Variants in ESRRG observed in about 807,000 individuals in gnomAD.
ESRRG encodes the protein estrogen-related receptor gamma.
Under a neutral mutation model 44.0 loss-of-function variants are expected in ESRRG, and 13 were observed. The observed-to-expected ratio is 0.30, with a 90% CI of 0.19 to 0.47. The LOEUF (loss-of-function observed/expected upper bound fraction) is 0.47. Among genes scored for constraint, ESRRG ranks in the 20% least tolerant of loss-of-function variants. ESRRG has a pLI of 1.00. For missense variants in ESRRG, 395 were observed against 580.6 expected (o/e 0.68, Z 3.29); for synonymous variants, 215 against 214.6 (o/e 1.00, Z -0.02).
chr1:216,885,771 G>C (rs2096507482), intron 2 of ESRRG, among the ~76,000 whole-genome samples: 1 of 151,354 alleles, frequency 6.6e-6, no homozygotes, highest in African/African-American at 2.4e-5. Flanking sequence ...ATTTTTTGCT[G>C]CTCCCCAAAT....
intron 1 of ESRRG, among the ~76,000 whole-genome samples, chr1:216,968,143 C>A (rs1273542080): frequency 6.6e-6 from 1 of 152,000 alleles, no homozygotes; most frequent in Non-Finnish European, 1.5e-5. Flanking sequence ...GATAACAATC[C>A]TTTATAAGAT....
chr1:217,032,096 A>T (rs1184458405), intron 1 of ESRRG, among the ~76,000 whole-genome samples: 1 of 152,182 alleles, frequency 6.6e-6, no homozygotes, highest in Non-Finnish European at 1.5e-5. Flanking sequence ...GGTCACTTCA[A>T]ATCTGACCAA....
At chr1:216,876,640 G>A (rs546248195) in intron 2 of ESRRG, among the ~76,000 whole-genome samples, 4 of 148,018 alleles carry the variant, frequency 2.7e-5, no homozygotes, top group African/African-American at 1.0e-4. Context: ...TGAGGCATTT[G>A]TACACTTGCA....
chr1:216,909,804 G>A (rs1471929085), intron 2 of ESRRG, among the ~76,000 whole-genome samples: 1 of 152,092 alleles, frequency 6.6e-6, no homozygotes. Flanking sequence ...GAGATCTGAG[G>A]GACAGATTCA....
chr1:216,883,328 T>TGA (rs1253150125), intron 2 of ESRRG, among the ~76,000 whole-genome samples: 1 of 132,572 alleles, frequency 7.5e-6, no homozygotes, highest in Admixed American at 9.4e-5. Flanking sequence ...GAGGTTGCAG[T>TGA]GAGCCGAGAT....
intron 1 of ESRRG, among the ~76,000 whole-genome samples, chr1:216,948,103 T>A (rs1269500141): frequency 6.6e-6 from 1 of 152,100 alleles, no homozygotes; most frequent in African/African-American, 2.4e-5. Context: ...AAAATTAACT[T>A]TTATTATGTT....
chr1:217,033,025 G>T (rs576261603), intron 1 of ESRRG, among the ~76,000 whole-genome samples: 3 of 152,258 alleles, frequency 2.0e-5, no homozygotes, highest in African/African-American at 7.2e-5. Flanking sequence ...AGGGGAGGGG[G>T]AGATTAAAAG....
chr1:216,689,002 T>A (rs1213328061), intron 1 of ESRRG, among the ~76,000 whole-genome samples: 1 of 152,172 alleles, frequency 6.6e-6, no homozygotes. Context: ...CTTCCCTCAA[T>A]CTAAGATTCT....
At chr1:216,683,469 ACTCT>A (rs1409850424) in intron 1 of ESRRG, among the ~76,000 whole-genome samples, 1 of 152,098 alleles carries the variant, frequency 6.6e-6, no homozygotes, top group Non-Finnish European at 1.5e-5. Context: ...AGTTCAAAAG[ACTCT>A]CTCTAGCTTA....
chr1:217,066,017 G>A (rs1365848939), intron 1 of ESRRG, among the ~76,000 whole-genome samples: 2 of 152,098 alleles, frequency 1.3e-5, no homozygotes, highest in Admixed American at 6.5e-5. Context: ...CCCCAGTGGC[G>A]TTGCTTTGAG....
chr1:216,810,153 A>G (rs2094924306), intron 2 of ESRRG, among the ~76,000 whole-genome samples: 1 of 151,996 alleles, frequency 6.6e-6, no homozygotes, highest in Non-Finnish European at 1.5e-5. Context: ...CCAAATCACC[A>G]CTTTCCTGCA....
chr1:217,052,036 G>A (rs2086150045), intron 1 of ESRRG, among the ~76,000 whole-genome samples: 1 of 152,046 alleles, frequency 6.6e-6, no homozygotes, highest in Admixed American at 6.6e-5. Flanking sequence ...CTGCTAAGTT[G>A]CCCAGATTAC....
chr1:216,553,793 C>T (rs1362688233), intron 5 of ESRRG, among the ~76,000 whole-genome samples: 1 of 152,000 alleles, frequency 6.6e-6, no homozygotes. Flanking sequence ...CCTTGTATAT[C>T]ATTCCTGACA....
chr1:216,541,561 AGTGT>A (rs34245595), intron 5 of ESRRG, among the ~76,000 whole-genome samples: 5,218 of 130,276 alleles, frequency 0.04, 87 homozygotes, highest in South Asian at 0.043. Flanking sequence ...TCTTTTGGTT[AGTGT>A]GTGTGTGTGT....
chr1:216,967,173 C>T (rs1281769412), intron 1 of ESRRG, among the ~76,000 whole-genome samples: 1 of 151,960 alleles, frequency 6.6e-6, no homozygotes, highest in Admixed American at 6.6e-5. Context: ...AGCATCGCCC[C>T]CCCTCCCCAT....
At chr1:216,715,232 G>GA (rs2084586963) in intron 1 of ESRRG, 1 of 985,188 alleles carries the variant, frequency 1.0e-6, no homozygotes, top group Non-Finnish European at 1.2e-6. Context: ...TGACTGATGA[G>GA]GCAGGTCTCA....
At chr1:216,571,197 G>T (rs1355498066) in intron 3 of ESRRG, among the ~76,000 whole-genome samples, 3 of 152,086 alleles carry the variant, frequency 2.0e-5, no homozygotes, top group African/African-American at 2.4e-5. Context: ...ATGTATTATG[G>T]ATTATTAGGC....
At chr1:216,819,132 T>C (rs745923073) in intron 2 of ESRRG, among the ~76,000 whole-genome samples, 22 of 152,166 alleles carry the variant, frequency 1.4e-4, no homozygotes, top group Non-Finnish European at 2.9e-4. Context: ...AAATGGTATT[T>C]CTGCCTCTAG....
At chr1:216,589,844 C>G (rs1373898602) in intron 3 of ESRRG, among the ~76,000 whole-genome samples, 1 of 131,140 alleles carries the variant, frequency 7.6e-6, no homozygotes, top group African/African-American at 2.8e-5. Flanking sequence ...GCGGAGGTTG[C>G]AGTGAGCCGA....
Sources: gnomAD v4.1 joint callset for allele counts (sites outside exome capture counted in the v4.1 genomes callset) on GRCh38, gnomAD v4.1.1 for gene constraint, MANE v1.5 for transcripts, NCBI Gene and HGNC (gene_info 2026-07-23, HGNC 2026-07-21) for gene names.